The following ECHDC2 variants were observed in gnomAD, a reference collection of about 807,000 sequenced individuals.
The protein encoded by ECHDC2 is enoyl-CoA hydratase domain-containing protein 2, mitochondrial.
Under a neutral mutation model 40.6 loss-of-function variants are expected in ECHDC2, and 34 were observed. That is an observed-to-expected ratio of 0.84 (90% CI 0.64 to 1.11). The LOEUF (loss-of-function observed/expected upper bound fraction) is 1.11, where lower values mean the gene tolerates loss of function less well. Among genes scored for constraint, ECHDC2 ranks in the 50% most tolerant of loss-of-function variants. The pLI, the probability that ECHDC2 is intolerant of heterozygous loss-of-function variation, is 0.00. For synonymous variants in ECHDC2, 162 were observed against 166.6 expected (o/e 0.97, Z 0.21); for missense variants, 392 against 400.7 (o/e 0.98, Z 0.19).
At chr1:52,913,943 T>A in intron 1 of ECHDC2, 2 of 1,167,190 alleles carry the variant, frequency 1.7e-6, no homozygotes, top group South Asian at 3.5e-5. Flanking sequence ...TTCTGCCCAA[T>A]TATTTTAAGT....
At position 52,909,638 on chromosome 1, in the gene ECHDC2, G is replaced by A. The variant is rs543480164; in HGVS notation, c.278-1684C>T. The stretch of plus-strand genomic sequence containing the variant: ...CTGGGCCACATGCGGCCCAGAGGCC[G>A]AGGGTTGGACAATGGACAAGCTTGC... On this transcript the variant is annotated intron_variant, in intron 3 of 9. Coordinates refer to ENST00000371522, the MANE Select transcript of ECHDC2 (RefSeq NM_001198961.2). Among the ~76,000 whole-genome samples the A allele has an allele frequency of 4.6e-5, 7 of 152,240 alleles. No homozygotes were observed. In the South Asian group the frequency reaches 1.0e-3, roughly 23 times the overall value.
At position 52,921,642 on chromosome 1, in the gene ECHDC2, CA is replaced by C; in HGVS notation, c.31del (p.Trp11GlyfsTer36). ...GCAGCCGCGGGCCCGAAGGGGCCTC[CA>C]GGGGCGCAGGAGGCACAGAACGCGC... MLRVLCLLRP[W>X]RPLRARGCAS... On this transcript the variant is annotated frameshift_variant, in exon 1 of 10. Coordinates refer to ENST00000371522, the MANE Select transcript of ECHDC2 (RefSeq NM_001198961.2). LOFTEE classifies it high-confidence loss of function. The C allele has an allele frequency of 5.0e-6, 8 of 1,585,314 alleles. No homozygotes were observed. The highest frequency in any genetic ancestry group is 6.9e-6 in the Non-Finnish European group (8 of 1,166,838).
chr1:52,912,331 C>CTTTTTT, intron 1 of ECHDC2: 1 of 155,216 alleles, frequency 6.4e-6, no homozygotes, highest in Non-Finnish European at 1.4e-5. Flanking sequence ...CCTCAACCCC[C>CTTTTTT]AAAATAGCTG....
At chr1:52,917,704 A>G (rs904361672) in intron 1 of ECHDC2, 12 of 453,498 alleles carry the variant, frequency 2.6e-5, no homozygotes, top group Non-Finnish European at 5.3e-5. Context: ...TATAAGACAT[A>G]TAAGTCCCAT....
At chr1:52,910,290 T>C (rs571878922) in intron 3 of ECHDC2, among the ~76,000 whole-genome samples, 4 of 151,222 alleles carry the variant, frequency 2.6e-5, no homozygotes, top group Admixed American at 6.6e-5. Flanking sequence ...CCACTCTGAA[T>C]TGTACACTTA....
At position 52,921,582 on chromosome 1, in the gene ECHDC2, T is replaced by C. The variant is rs1205406494; in HGVS notation, c.92A>G (p.Gln31Arg). ...GTCCGGACCCGCCAGGGCGCGCACT[T>C]GGATCTCTGAGCCCCCGGCCGCCCC... is the stretch of plus-strand genomic sequence containing the variant. ...SDGAAGGSEIQVRALAGPDQG... is the reference protein window; with the variant it reads ...SDGAAGGSEIRVRALAGPDQG... The change falls in exon 1 of 10, where the codon CAA becomes CGA. Residue 31 changes from glutamine to arginine, a missense_variant. Gln to Arg is a conservative substitution (Grantham distance 43). Coordinates refer to ENST00000371522, the MANE Select transcript of ECHDC2 (RefSeq NM_001198961.2). 6.2e-7 allele frequency: 1 copy of C among 1,609,128 alleles called. No homozygotes were observed. The highest frequency in any genetic ancestry group is 2.2e-5 in the East Asian group (1 of 44,714).
intron 8 of ECHDC2, chr1:52,897,876 A>T: frequency 3.2e-6 from 1 of 311,770 alleles, no homozygotes; most frequent in Admixed American, 4.0e-5. Context: ...AAGGGTTAGT[A>T]TCCCTATTCT....
Position 52,914,079 on chromosome 1 carries a change from C to T in ECHDC2, c.122-2289G>A, listed in dbSNP as rs1242421949. The T allele has an allele frequency of 9.0e-6, 6 of 668,820 alleles. No individual in the cohort carries two copies. The East Asian group carries it at 3.3e-4, about 36-fold the overall frequency. The allele number at this position is 668,820 out of a possible 1,614,324, so 41.4% of individuals were successfully genotyped here. On this transcript the variant is annotated intron_variant, in intron 1 of 9. Transcript: ENST00000371522. The surrounding 1 kb of genome is among the most constrained non-coding windows in gnomAD (Gnocchi z 4.0). ...GACCAGGACAGACTCAAGGCCTGTCCTCATGGAACCTACAGCCTAGTGGGG... is the reference window on the plus strand; with the variant it reads ...GACCAGGACAGACTCAAGGCCTGTCTTCATGGAACCTACAGCCTAGTGGGG...
rs571902287 is a variant in ECHDC2 at position 52,910,430 on chromosome 1, G to A, written c.277+1136C>T. Among the ~76,000 whole-genome samples the A allele has an allele frequency of 4.0e-5, 5 of 124,108 alleles. No individual in the cohort carries two copies. In the South Asian group the frequency reaches 1.3e-3, roughly 33 times the overall value. 81.4% of individuals were successfully genotyped at this position (124,108 alleles called of 152,430 possible). A position where few individuals can be genotyped will look rare whatever the true frequency, so the allele number is the denominator to read the frequency against. On this transcript the variant is annotated intron_variant, in intron 3 of 9. Transcript: ENST00000371522. ...GTCACCCAGGCTGGAGTGCAGTGGC[G>A]TGATCTCAGCTCACTGTAACCTCCA... is the stretch of plus-strand genomic sequence containing the variant.
intron 9 of ECHDC2, 133 bp downstream of exon 9, chr1:52,897,304 A>G (rs1300457601): frequency 2.2e-6 from 2 of 918,892 alleles, no homozygotes; most frequent in Admixed American, 1.7e-5. Context: ...CAGGTGACTT[A>G]TGAGGGACGA....
intron 5 of ECHDC2, chr1:52,906,094 A>G: frequency 2.9e-6 from 1 of 350,166 alleles, no homozygotes; most frequent in Non-Finnish European, 5.6e-6. Context: ...AAGTAATGCA[A>G]ATTTGGCTGG....
chr1:52,904,312 A>ATTT (rs1423889615), intron 7 of ECHDC2, among the ~76,000 whole-genome samples: 1 of 152,182 alleles, frequency 6.6e-6, no homozygotes, highest in African/African-American at 2.4e-5. Context: ...AACTGCATTC[A>ATTT]TTTTCTGCAA....
chr1:52,919,603 G>A (rs922948946), intron 1 of ECHDC2, among the ~76,000 whole-genome samples: 2 of 152,180 alleles, frequency 1.3e-5, no homozygotes, highest in Non-Finnish European at 1.5e-5. Context: ...AAATAAAGCC[G>A]CTAAGAACAG....
chr1:52,917,507 C>A, intron 1 of ECHDC2: 1 of 453,768 alleles, frequency 2.2e-6, no homozygotes, highest in African/African-American at 2.0e-5. Flanking sequence ...GGAGCCAAGT[C>A]AGGGCACAGC....
rs1651930844 is a variant in ECHDC2, at chr1:52,921,638, C to T, written c.36G>A (p.Arg12=). Residue 12 remains arginine, a synonymous_variant, in exon 1 of 10, where the codon AGG becomes AGA. Coordinates refer to ENST00000371522, the MANE Select transcript of ECHDC2 (RefSeq NM_001198961.2). The stretch of plus-strand genomic sequence containing the variant: ...AAGCGCAGCCGCGGGCCCGAAGGGG[C>T]CTCCAGGGGCGCAGGAGGCACAGAA... ...LRVLCLLRPW[R]PLRARGCASD... The T allele has an allele frequency of 6.3e-7, 1 of 1,586,864 alleles. No individual in the cohort carries two copies. Among genetic ancestry groups the T allele is most frequent in the Non-Finnish European group, 8.6e-7 (1 of 1,167,908 alleles).
chr1:52,917,010 G>T (rs1241766157), intron 1 of ECHDC2, among the ~76,000 whole-genome samples: 1 of 151,814 alleles, frequency 6.6e-6, no homozygotes. Context: ...GATCACCTGA[G>T]TCAGGAGTTC....
chr1:52,911,897 C>G, intron 1 of ECHDC2, 107 bp from the exon 2 acceptor site: 2 of 1,525,664 alleles, frequency 1.3e-6, no homozygotes, highest in Non-Finnish European at 1.8e-6. Flanking sequence ...AGCCTCTGCC[C>G]TAGATGACCA....
In ECHDC2 at chr1:52,914,064, G is replaced by T; in HGVS notation, c.122-2274C>A. On this transcript the variant is annotated intron_variant, in intron 1 of 9. Coordinates refer to ENST00000371522, the MANE Select transcript of ECHDC2 (RefSeq NM_001198961.2). The surrounding 1 kb of genome is among the most constrained non-coding windows in gnomAD (Gnocchi z 4.0). ...CACCGTGATTCCAGAGACCAGGACA[G>T]ACTCAAGGCCTGTCCTCATGGAACC... is the stretch of plus-strand genomic sequence containing the variant. The T allele has an allele frequency of 1.1e-6, 1 of 890,900 alleles. No individual in the cohort carries two copies. Among genetic ancestry groups the T allele is most frequent in the Non-Finnish European group, 1.6e-6 (1 of 625,272 alleles). The allele number at this position is 890,900 out of a possible 1,614,324, so 55.2% of individuals were successfully genotyped here.
intron 7 of ECHDC2, among the ~76,000 whole-genome samples, chr1:52,903,316 GTTC>G (rs1428872303): frequency 1.3e-5 from 2 of 152,156 alleles, no homozygotes; most frequent in East Asian, 3.9e-4. Flanking sequence ...ACATGGATAC[GTTC>G]TTTAGTGGTG....
Sources: allele counts gnomAD v4.1 joint callset (sites outside exome capture counted in the v4.1 genomes callset), GRCh38; gene constraint gnomAD v4.1.1; non-coding constraint Gnocchi (gnomAD v3.1); transcripts MANE v1.5; gene names NCBI Gene and HGNC (gene_info 2026-07-23, HGNC 2026-07-21).